JAKMIP3: variants seen among roughly 807,000 people sequenced by gnomAD.
JAKMIP3 encodes Janus kinase and microtubule interacting protein 3.
A neutral mutation model predicts 118.5 loss-of-function variants in JAKMIP3; 58 were observed. That is an observed-to-expected ratio of 0.49 (90% CI 0.40 to 0.61). The LOEUF (loss-of-function observed/expected upper bound fraction) is 0.61. Ranked by LOEUF, JAKMIP3 falls within the 20% of genes least tolerant of loss-of-function variation. The probability of loss-of-function intolerance (pLI) is 0.00; values close to 1 mark genes in which losing one functional copy is unlikely to be tolerated. For synonymous variants in JAKMIP3, 486 were observed against 451.2 expected (o/e 1.08, Z -0.98); for missense variants, 950 against 1,109.0 (o/e 0.86, Z 2.04).
chr10:132,157,627 C>T (rs1397865241), intron 19 of JAKMIP3, among the ~76,000 whole-genome samples: 1 of 152,204 alleles, frequency 6.6e-6, no homozygotes, highest in East Asian at 1.9e-4. Flanking sequence ...GCAGTCCTAG[C>T]AGGCATGTCT....
At chr10:132,060,619 G>A (rs2038364984), upstream of JAKMIP3, among the ~76,000 whole-genome samples, 3 of 152,154 alleles carry the variant, frequency 2.0e-5, no homozygotes, top group South Asian at 2.1e-4. Flanking sequence ...ATGATGTTTC[G>A]TGTCATGGAA....
At chr10:132,042,285 C>G (rs1204692853) in intron 1 of JAKMIP3, among the ~76,000 whole-genome samples, 1 of 151,598 alleles carries the variant, frequency 6.6e-6, no homozygotes, top group African/African-American at 2.4e-5. Flanking sequence ...GATCATGGCT[C>G]ACTGCAGCCT....
chr10:132,147,956 A>T lies in JAKMIP3; in HGVS notation c.1754A>T (p.Lys585Ile). 1 of 1,604,000 alleles carries T rather than the reference A, an allele frequency of 6.2e-7. No individual in the cohort carries two copies. Among genetic ancestry groups the T allele is most frequent in the Non-Finnish European group, 8.5e-7 (1 of 1,174,790 alleles). Residue 585 changes from lysine (K) to isoleucine (I), a missense_variant, in exon 14 of 24, where the codon AAA becomes ATA. By Grantham distance (102) the Lys-to-Ile change is moderately radical. Coordinates refer to ENST00000684848, the MANE Select transcript of JAKMIP3 (RefSeq NM_001323087.2). ...CATGCATCTTTTATGTTGCAGATCA[A>T]ACAAATGGAGACGGAAGAGGCTCGG... is the stretch of plus-strand genomic sequence containing the variant. ...RRNQELVEKI[K>I]QMETEEARLR...
chr10:132,040,726 C>CG (rs2037717404), intron 1 of JAKMIP3, among the ~76,000 whole-genome samples: 1 of 150,162 alleles, frequency 6.7e-6, no homozygotes, highest in Non-Finnish European at 1.5e-5. Context: ...TTTAAGTGTA[C>CG]GACACTTAAA....
intron 23 of JAKMIP3, among the ~76,000 whole-genome samples, chr10:132,177,381 C>T (rs1305985528): frequency 1.3e-5 from 2 of 152,194 alleles, no homozygotes; most frequent in Non-Finnish European, 2.9e-5. Context: ...TGCACACATG[C>T]CAGTGTGTGG....
chr10:132,102,378 G>A (rs970170147), intron 1 of JAKMIP3, among the ~76,000 whole-genome samples: 10 of 152,084 alleles, frequency 6.6e-5, no homozygotes, highest in African/African-American at 1.9e-4. Context: ...CAGCCCCTCC[G>A]TCTGCAGTGG....
At chr10:132,159,646 G>GTCCTCTCCCTGTGTGATGCTGGGGGT (rs376240235) in intron 19 of JAKMIP3, among the ~76,000 whole-genome samples, 2 of 59,344 alleles carry the variant, frequency 3.4e-5, no homozygotes, top group African/African-American at 1.2e-4. Flanking sequence ...ATGCTGGGGG[G>GTCCTCTCCCTGTGTGATGCTGGGGGT]CCTCTCCCTG....
chr10:132,167,139 G>A, intron 22 of JAKMIP3, 84 bp downstream of exon 22: 2 of 924,628 alleles, frequency 2.2e-6, no homozygotes, highest in Non-Finnish European at 1.7e-6. Context: ...CCAGGGAGTT[G>A]CCCACCTGCC....
chr10:132,060,730 A>G (rs71480028), upstream of JAKMIP3, among the ~76,000 whole-genome samples: 1 of 152,254 alleles, frequency 6.6e-6, no homozygotes, highest in Admixed American at 6.5e-5. Context: ...TAGAAAATAC[A>G]AGAGAATGGC....
At chr10:132,073,497 T>A (rs867655378) in intron 1 of JAKMIP3, among the ~76,000 whole-genome samples, 3,854 of 147,416 alleles carry the variant, frequency 0.026, 97 homozygotes, top group African/African-American at 0.057. Flanking sequence ...TCTTTACTTT[T>A]TTTTTTTTTT....
In JAKMIP3 at chr10:132,135,893, C is replaced by T. The variant is rs1271735328; in HGVS notation, c.970-37C>T. ...GCGTGGAGACCTGCTGGTTCTCCGT[C>T]ACTTAAAGAACAATCACATAGTGCG... On this transcript the variant is annotated intron_variant, in intron 5 of 23. Coordinates refer to ENST00000684848, the MANE Select transcript of JAKMIP3 (RefSeq NM_001323087.2). The T allele has an allele frequency of 5.7e-6, 9 of 1,589,912 alleles. No individual in the cohort carries two copies. The Admixed American group carries it at 1.4e-4, about 25-fold the overall frequency.
upstream of JAKMIP3, among the ~76,000 whole-genome samples, chr10:132,063,512 C>A (rs1440758877): frequency 1.3e-5 from 2 of 152,192 alleles, no homozygotes; most frequent in African/African-American, 4.8e-5. Context: ...TTCACTTTTA[C>A]AACTAGAAAA....
Position 132,117,447 on chromosome 10 carries a change from A to T in JAKMIP3, c.506A>T (p.Glu169Val). ...CTCAAGGGCGCCAAAAGGCAGGTGG[A>T]GGAGGCGCTGACGCTGGTGATCCAA... is the stretch of plus-strand genomic sequence containing the variant. ...SELKGAKRQVEEALTLVIQAD... is the reference protein window; with the variant it reads ...SELKGAKRQVVEALTLVIQAD... The change falls in exon 3 of 24, where the codon GAG (glutamate) becomes GTG (valine). Residue 169 changes from glutamate to valine, a missense_variant. Transcript: ENST00000684848. The surrounding 1 kb of genome is among the most constrained non-coding windows in gnomAD (Gnocchi z 8.6). The T allele has an allele frequency of 6.2e-7, 1 of 1,613,976 alleles. No individual in the cohort carries two copies. The highest frequency in any genetic ancestry group is 8.5e-7 in the Non-Finnish European group (1 of 1,179,908).
intron 2 of JAKMIP3, among the ~76,000 whole-genome samples, chr10:132,109,098 A>G (rs1283172137): frequency 6.9e-6 from 1 of 144,724 alleles, no homozygotes; most frequent in Non-Finnish European, 1.5e-5. Flanking sequence ...ACACACATAT[A>G]TATATACACA....
At chr10:132,047,325 C>T (rs1054715778) in intron 1 of JAKMIP3, among the ~76,000 whole-genome samples, 6 of 152,206 alleles carry the variant, frequency 3.9e-5, no homozygotes, top group African/African-American at 1.4e-4. Context: ...GTGTCTGGTG[C>T]AGCATTACTG....
intron 3 of JAKMIP3, among the ~76,000 whole-genome samples, chr10:132,125,197 T>C (rs111695319): frequency 0.017 from 2,544 of 152,346 alleles, 69 homozygotes; most frequent in African/African-American, 0.057. Context: ...TGCCTTATTG[T>C]TTTTCTCTTA....
intron 2 of JAKMIP3, among the ~76,000 whole-genome samples, chr10:132,111,112 C>T (rs547435937): frequency 6.6e-5 from 10 of 152,282 alleles, no homozygotes; most frequent in Admixed American, 3.9e-4. Flanking sequence ...CGGAGGTGCC[C>T]GGAAAGTCCT....
chr10:132,100,140 T>C (rs2079884675), intron 1 of JAKMIP3, among the ~76,000 whole-genome samples: 1 of 152,112 alleles, frequency 6.6e-6, no homozygotes, highest in Admixed American at 6.5e-5. Context: ...CCAGTGGGTG[T>C]CCCACAGTGT....
At chr10:132,101,573 T>C (rs765867064) in intron 1 of JAKMIP3, among the ~76,000 whole-genome samples, 2 of 152,200 alleles carry the variant, frequency 1.3e-5, no homozygotes, top group Non-Finnish European at 2.9e-5. Flanking sequence ...TTATTTTCCC[T>C]TTTCCTCAAA....
Sources: allele counts gnomAD v4.1 joint callset (sites outside exome capture counted in the v4.1 genomes callset), GRCh38; gene constraint gnomAD v4.1.1; non-coding constraint Gnocchi (gnomAD v3.1); transcripts MANE v1.5; gene names NCBI Gene and HGNC (gene_info 2026-07-23, HGNC 2026-07-21).